AUTS2: variants seen among roughly 807,000 people sequenced by gnomAD.
AUTS2 encodes the protein activator of transcription and developmental regulator AUTS2.
In AUTS2, 17 loss-of-function variants were observed where a neutral mutation model predicts 112.4. That is an observed-to-expected ratio of 0.15 (90% confidence interval 0.10 to 0.23). The LOEUF is 0.23. AUTS2 is among the 10% of genes least tolerant of loss of function. AUTS2 has a pLI of 1.00. For synonymous variants in AUTS2, 751 were observed against 702.7 expected (o/e 1.07, Z -1.09); for missense variants, 1,510 against 1,701.6 (o/e 0.89, Z 1.98).
At chr7:69,995,378 A>G (rs1206996641) in intron 2 of AUTS2, among the ~76,000 whole-genome samples, 3 of 152,176 alleles carry the variant, frequency 2.0e-5, no homozygotes, top group Non-Finnish European at 2.9e-5. Context: ...TGCTGACTTA[A>G]TGCTTTACTA....
At chr7:70,003,454 ATATATATGAATATGT>A (rs1207701790) in intron 2 of AUTS2, among the ~76,000 whole-genome samples, 1 of 91,122 alleles carries the variant, frequency 1.1e-5, no homozygotes, top group South Asian at 3.0e-4. Flanking sequence ...AATATATATA[ATATATATGAATATGT>A]TATATATGAA....
chr7:70,207,777 C>T (rs925602656), intron 4 of AUTS2, among the ~76,000 whole-genome samples: 22 of 151,910 alleles, frequency 1.4e-4, no homozygotes, highest in African/African-American at 5.3e-4. Context: ...TTTGGGAGGC[C>T]GAGGAGGGTG....
At chr7:70,309,488 C>A (rs976678212) in intron 4 of AUTS2, among the ~76,000 whole-genome samples, 2 of 152,198 alleles carry the variant, frequency 1.3e-5, no homozygotes, top group Admixed American at 1.3e-4. Flanking sequence ...TTTGCATGTA[C>A]TACAGCTTGT....
At chr7:70,428,443 G>A (rs1235428665) in intron 4 of AUTS2, among the ~76,000 whole-genome samples, 1 of 152,138 alleles carries the variant, frequency 6.6e-6, no homozygotes, top group Non-Finnish European at 1.5e-5. Flanking sequence ...TTTTCTGCAG[G>A]TGGCTTCTTC....
At chr7:70,309,463 A>G (rs554890823) in intron 4 of AUTS2, among the ~76,000 whole-genome samples, 4 of 152,236 alleles carry the variant, frequency 2.6e-5, no homozygotes, top group Non-Finnish European at 5.9e-5. Context: ...GGTTTCTCAC[A>G]TAGAAAGCTG....
intron 2 of AUTS2, among the ~76,000 whole-genome samples, chr7:69,958,837 T>C (rs1032050334): frequency 6.6e-6 from 1 of 152,150 alleles, no homozygotes; most frequent in Admixed American, 6.5e-5. Context: ...GCAGTATGAC[T>C]GGATTGTTTT....
intron 4 of AUTS2, among the ~76,000 whole-genome samples, chr7:70,320,607 G>T (rs1034650404): frequency 6.6e-6 from 1 of 152,210 alleles, no homozygotes; most frequent in South Asian, 2.1e-4. Context: ...CCCAGTCCTT[G>T]TTTTCAAGGA....
intron 1 of AUTS2, among the ~76,000 whole-genome samples, chr7:69,894,693 A>T (rs1742069048): frequency 6.6e-6 from 1 of 152,058 alleles, no homozygotes; most frequent in Admixed American, 6.6e-5. Flanking sequence ...TTCCCATCTC[A>T]GGTGTTTCTG....
At chr7:70,635,393 C>T (rs1478094322) in intron 5 of AUTS2, among the ~76,000 whole-genome samples, 1 of 152,160 alleles carries the variant, frequency 6.6e-6, no homozygotes, top group African/African-American at 2.4e-5. Context: ...AATTGTGCTG[C>T]CTTTTAGTGG....
At chr7:70,589,009 G>A (rs959402217) in intron 5 of AUTS2, among the ~76,000 whole-genome samples, 23 of 152,208 alleles carry the variant, frequency 1.5e-4, no homozygotes, top group Non-Finnish European at 2.4e-4. Flanking sequence ...TATGCCTACT[G>A]AAAGTGAAGC....
intron 4 of AUTS2, among the ~76,000 whole-genome samples, chr7:70,350,502 C>T (rs1051734217): frequency 1.3e-4 from 20 of 152,138 alleles, no homozygotes; most frequent in Non-Finnish European, 2.6e-4. Context: ...TGGTGGCAGG[C>T]AAGGGACCAT....
At chr7:69,874,226 C>A (rs1484929848) in intron 1 of AUTS2, among the ~76,000 whole-genome samples, 1 of 149,540 alleles carries the variant, frequency 6.7e-6, no homozygotes. Flanking sequence ...GACCGTGTGT[C>A]AAAAAAAAAG....
At chr7:69,978,051 G>A (rs1204068253) in intron 2 of AUTS2, among the ~76,000 whole-genome samples, 1 of 152,112 alleles carries the variant, frequency 6.6e-6, no homozygotes, top group East Asian at 1.9e-4. Flanking sequence ...TTAAAACAGT[G>A]GTTAAATAAC....
intron 2 of AUTS2, among the ~76,000 whole-genome samples, chr7:69,903,946 G>A (rs2129541203): frequency 6.6e-6 from 1 of 152,318 alleles, no homozygotes; most frequent in Non-Finnish European, 1.5e-5. Context: ...CCAGTATGGT[G>A]GGAGATTTGT....
At chr7:70,221,743 C>T (rs545617188) in intron 4 of AUTS2, among the ~76,000 whole-genome samples, 6 of 152,244 alleles carry the variant, frequency 3.9e-5, no homozygotes, top group South Asian at 4.2e-4. Flanking sequence ...AAAAATTAGC[C>T]GAGCGTGGTG....
At chr7:70,541,459 C>T (rs1057370392) in intron 5 of AUTS2, among the ~76,000 whole-genome samples, 4 of 152,214 alleles carry the variant, frequency 2.6e-5, no homozygotes, top group Non-Finnish European at 4.4e-5. Context: ...CATTACTGAA[C>T]CTATGTGCAA....
chr7:69,737,301 C>T (rs1345782854), intron 1 of AUTS2, among the ~76,000 whole-genome samples: 1 of 151,976 alleles, frequency 6.6e-6, no homozygotes, highest in Non-Finnish European at 1.5e-5. Flanking sequence ...TATTAATGTA[C>T]CAAGTACTGT....
intron 2 of AUTS2, among the ~76,000 whole-genome samples, chr7:69,928,576 A>G (rs1796114675): frequency 6.6e-6 from 1 of 152,098 alleles, no homozygotes; most frequent in Non-Finnish European, 1.5e-5. Context: ...TACCAGCATG[A>G]CCCTGAGTGT....
chr7:70,306,374 G>A (rs1441892328), intron 4 of AUTS2, among the ~76,000 whole-genome samples: 1 of 152,206 alleles, frequency 6.6e-6, no homozygotes, highest in African/African-American at 2.4e-5. Context: ...AATTCTTGGA[G>A]CATGTGCTGT....
Sources: gnomAD v4.1 joint callset for allele counts (sites outside exome capture counted in the v4.1 genomes callset) on GRCh38, gnomAD v4.1.1 for gene constraint, MANE v1.5 for transcripts, NCBI Gene and HGNC (gene_info 2026-07-23, HGNC 2026-07-21) for gene names.